WWOX: variants seen among roughly 807,000 people sequenced by gnomAD.
WWOX encodes WW domain-containing oxidoreductase.
Under a neutral mutation model 46.2 loss-of-function variants are expected in WWOX, and 69 were observed. The observed-to-expected ratio is 1.49, with a 90% CI of 1.23 to 1.82. The LOEUF (loss-of-function observed/expected upper bound fraction) is 1.82, where lower values mean the gene tolerates loss of function less well. Among genes scored for constraint, WWOX ranks in the 40% most tolerant of loss-of-function variants. The pLI is 0.00. For synonymous variants in WWOX, 359 were observed against 202.6 expected (o/e 1.77, Z -6.56); for missense variants, 919 against 542.6 (o/e 1.69, Z -6.89).
At chr16:78,261,788 C>CTATCTATCTA (rs1555510660) in intron 5 of WWOX, among the ~76,000 whole-genome samples, 1 of 73,752 alleles carries the variant, frequency 1.4e-5, no homozygotes, top group African/African-American at 5.7e-5. Context: ...ATCTATCTAT[C>CTATCTATCTA]TATATATATA....
intron 8 of WWOX, among the ~76,000 whole-genome samples, chr16:79,090,581 C>T (rs2048939628): frequency 6.6e-6 from 1 of 152,068 alleles, no homozygotes; most frequent in Admixed American, 6.6e-5. Flanking sequence ...GGGCTGAGGA[C>T]AGGAAGACGA....
intron 5 of WWOX, among the ~76,000 whole-genome samples, chr16:78,176,602 T>C (rs961384583): frequency 1.3e-5 from 2 of 152,202 alleles, no homozygotes; most frequent in African/African-American, 4.8e-5. Context: ...CTAATTAACT[T>C]TGATTATTGC....
At chr16:78,206,742 C>G (rs1452296514) in intron 5 of WWOX, among the ~76,000 whole-genome samples, 1 of 144,432 alleles carries the variant, frequency 6.9e-6, no homozygotes, top group Non-Finnish European at 1.5e-5. Context: ...ATCAGAACTA[C>G]CTTTTGACTA....
rs2080675933 is a variant in WWOX at position 78,328,298 on chromosome 16, C to A, written c.517-58562C>A. On this transcript the variant is annotated intron_variant, in intron 5 of 8. Coordinates refer to ENST00000566780, the MANE Select transcript of WWOX (RefSeq NM_016373.4). The stretch of plus-strand genomic sequence containing the variant: ...GGTCTTGTTTATAATCGTCATTTTT[C>A]TTGTCATGTGATTTGATGTTTGGGT... Among the ~76,000 whole-genome samples, 4 of 152,244 alleles carry A rather than the reference C, an allele frequency of 2.6e-5. 1 individual carries two copies. The highest frequency in any genetic ancestry group is 2.0e-4 in the Admixed American group (3 of 15,282).
intron 8 of WWOX, among the ~76,000 whole-genome samples, chr16:78,492,088 T>G (rs1028860778): frequency 6.6e-6 from 1 of 152,134 alleles, no homozygotes; most frequent in African/African-American, 2.4e-5. Flanking sequence ...AACTTAGCAT[T>G]CTCAGATTCC....
chr16:78,870,916 C>A (rs188918304), intron 8 of WWOX, among the ~76,000 whole-genome samples: 2 of 152,092 alleles, frequency 1.3e-5, no homozygotes, highest in African/African-American at 4.8e-5. Flanking sequence ...CTAATCAGTT[C>A]CTTTAAATCT....
chr16:78,893,033 G>A (rs1336789240), intron 8 of WWOX, among the ~76,000 whole-genome samples: 1 of 152,112 alleles, frequency 6.6e-6, no homozygotes, highest in African/African-American at 2.4e-5. Flanking sequence ...AGCAGAGCAG[G>A]GGTCCTCAAA....
At chr16:79,112,130 T>A (rs1220354311) in intron 8 of WWOX, among the ~76,000 whole-genome samples, 1 of 152,120 alleles carries the variant, frequency 6.6e-6, no homozygotes, top group Non-Finnish European at 1.5e-5. Flanking sequence ...CCCATTTTGC[T>A]CCTCCTACCA....
chr16:78,811,341 C>G (rs1475185414), intron 8 of WWOX, among the ~76,000 whole-genome samples: 3 of 152,120 alleles, frequency 2.0e-5, no homozygotes, highest in African/African-American at 7.2e-5. Context: ...GGAATTATAT[C>G]TACTAGTATA....
chr16:78,454,125 C>G (rs1597107260), intron 8 of WWOX, among the ~76,000 whole-genome samples: 1 of 152,142 alleles, frequency 6.6e-6, no homozygotes, highest in African/African-American at 2.4e-5. Context: ...TCTAGAGTTT[C>G]TCGTTTCTTG....
At chr16:78,644,423 G>A (rs780403448) in intron 8 of WWOX, among the ~76,000 whole-genome samples, 5 of 151,918 alleles carry the variant, frequency 3.3e-5, no homozygotes, top group African/African-American at 7.3e-5. Context: ...GATATATAGC[G>A]TCAGGGAGCG....
At chr16:78,189,719 A>G (rs1386096972) in intron 5 of WWOX, among the ~76,000 whole-genome samples, 1 of 152,032 alleles carries the variant, frequency 6.6e-6, no homozygotes, top group Non-Finnish European at 1.5e-5. Context: ...CAATGGCGTG[A>G]TCTTGGCTCA....
intron 5 of WWOX, among the ~76,000 whole-genome samples, chr16:78,323,246 AC>A (rs2080528758): frequency 6.6e-6 from 1 of 152,068 alleles, no homozygotes; most frequent in African/African-American, 2.4e-5. Flanking sequence ...AGGTGGGACT[AC>A]AGGCCCCCGC....
intron 8 of WWOX, among the ~76,000 whole-genome samples, chr16:79,030,459 C>T (rs2047730728): frequency 6.6e-6 from 1 of 152,174 alleles, no homozygotes; most frequent in African/African-American, 2.4e-5. Context: ...TCTGCACGGG[C>T]AATCCCATTA....
chr16:79,148,749 A>G (rs1031235596), intron 8 of WWOX, among the ~76,000 whole-genome samples: 5 of 151,980 alleles, frequency 3.3e-5, no homozygotes, highest in Admixed American at 6.6e-5. Flanking sequence ...AACCCACTGG[A>G]GTGTGTACCT....
rs184566520 is a variant in WWOX, at chr16:79,210,415, A to C, written c.1057-1193A>C. Among the ~76,000 whole-genome samples the C allele has an allele frequency of 6.0e-4, 92 of 152,322 alleles. 1 individual carries two copies. Among genetic ancestry groups the C allele is most frequent in the East Asian group, 9.6e-4 (5 of 5,184 alleles). ...GAAACTCCTCCAGTAAGCACCCTGC[A>C]TGGTCACAATGTAAACCCTGCAGGG... On this transcript the variant is annotated intron_variant, in intron 8 of 8. Transcript: ENST00000566780.
intron 8 of WWOX, among the ~76,000 whole-genome samples, chr16:78,842,329 A>T (rs892784226): frequency 5.8e-5 from 5 of 86,068 alleles, no homozygotes; most frequent in Non-Finnish European, 1.4e-4. Context: ...CCCCATCTCT[A>T]AAAAAAAAAA....
chr16:78,878,141 G>C (rs1195774510), intron 8 of WWOX, among the ~76,000 whole-genome samples: 2 of 152,158 alleles, frequency 1.3e-5, no homozygotes, highest in Admixed American at 6.5e-5. Context: ...CCTGCCTCTT[G>C]AGCAGCCATG....
At chr16:78,729,391 C>A (rs578090819) in intron 8 of WWOX, among the ~76,000 whole-genome samples, 1 of 151,870 alleles carries the variant, frequency 6.6e-6, no homozygotes, top group South Asian at 2.1e-4. Context: ...TATGCATGCA[C>A]ATCCTAATTC....
Sources: allele counts gnomAD v4.1 joint callset (sites outside exome capture counted in the v4.1 genomes callset), GRCh38; gene constraint gnomAD v4.1.1; transcripts MANE v1.5; gene names NCBI Gene and HGNC (gene_info 2026-07-23, HGNC 2026-07-21).